The following KCND2 variants were observed in gnomAD, a reference collection of about 807,000 sequenced individuals.
KCND2 encodes the protein potassium voltage-gated channel subfamily D member 2.
KCND2 carries 16 observed loss-of-function variants against 54.4 expected under a neutral mutation model. The ratio of observed to expected loss-of-function variants is 0.29; its 90% CI spans 0.20 to 0.45. The LOEUF (loss-of-function observed/expected upper bound fraction) is 0.45, where lower values mean the gene tolerates loss of function less well. Among genes scored for constraint, KCND2 ranks in the 20% least tolerant of loss-of-function variants. KCND2 has a pLI of 1.00. For synonymous variants in KCND2, 317 were observed against 310.7 expected, an observed-to-expected ratio of 1.02 and a Z score of -0.21; for missense variants, 486 against 824.2, an observed-to-expected ratio of 0.59 and a Z score of 5.02.
At chr7:120,740,300 T>G (rs1792924672) in intron 2 of KCND2, among the ~76,000 whole-genome samples, 1 of 152,008 alleles carries the variant, frequency 6.6e-6, no homozygotes, top group African/African-American at 2.4e-5. Context: ...TGTCATATGT[T>G]TATATTTATT....
At chr7:120,644,066 C>T (rs1196128598) in intron 1 of KCND2, among the ~76,000 whole-genome samples, 3 of 151,948 alleles carry the variant, frequency 2.0e-5, no homozygotes, top group Non-Finnish European at 4.4e-5. Flanking sequence ...TAAAGCTTAG[C>T]TAAATTATAT....
chr7:120,313,326 C>A (rs764927377), intron 1 of KCND2, among the ~76,000 whole-genome samples: 42 of 151,968 alleles, frequency 2.8e-4, no homozygotes, highest in Admixed American at 3.3e-4. Flanking sequence ...TAAAATATTT[C>A]TATTGTATAT....
intron 1 of KCND2, among the ~76,000 whole-genome samples, chr7:120,597,659 G>T (rs1792762528): frequency 6.6e-6 from 1 of 152,146 alleles, no homozygotes; most frequent in Admixed American, 6.5e-5. Context: ...ATTACACCAT[G>T]ACTAACAAAG....
At chr7:120,352,783 CAG>C (rs1237325722) in intron 1 of KCND2, among the ~76,000 whole-genome samples, 4 of 151,948 alleles carry the variant, frequency 2.6e-5, no homozygotes, top group South Asian at 2.1e-4. Flanking sequence ...AAAATGCAAA[CAG>C]TAATAAAACT....
intron 1 of KCND2, among the ~76,000 whole-genome samples, chr7:120,531,636 C>G (rs1266969675): frequency 6.6e-6 from 1 of 152,086 alleles, no homozygotes; most frequent in Non-Finnish European, 1.5e-5. Context: ...GCCCACTCTC[C>G]TCTTGAAGGT....
chr7:120,633,744 C>T (rs1186166360), intron 1 of KCND2, among the ~76,000 whole-genome samples: 1 of 152,066 alleles, frequency 6.6e-6, no homozygotes, highest in African/African-American at 2.4e-5. Flanking sequence ...TCAACCATTT[C>T]GCTACTCTGA....
At chr7:120,659,793 C>A (rs1412676140) in intron 1 of KCND2, among the ~76,000 whole-genome samples, 1 of 152,166 alleles carries the variant, frequency 6.6e-6, no homozygotes, top group African/African-American at 2.4e-5. Flanking sequence ...TCCCGCAGAA[C>A]CTGCCTGTAG....
chr7:120,413,271 G>A (rs2116113259), intron 1 of KCND2, among the ~76,000 whole-genome samples: 1 of 152,040 alleles, frequency 6.6e-6, no homozygotes, highest in South Asian at 2.1e-4. Context: ...AATTAGTGAA[G>A]ACTATGGTTA....
intron 1 of KCND2, among the ~76,000 whole-genome samples, chr7:120,475,172 T>G (rs1400387745): frequency 6.6e-6 from 1 of 152,230 alleles, no homozygotes; most frequent in African/African-American, 2.4e-5. Context: ...AAGGGAGGGT[T>G]GATCATTTTC....
intron 1 of KCND2, among the ~76,000 whole-genome samples, chr7:120,460,558 C>CTTT (rs67237835): frequency 4.5e-4 from 59 of 130,252 alleles, no homozygotes; most frequent in Admixed American, 1.8e-3. Flanking sequence ...CCACCACGGC[C>CTTT]TTTTTTTTTT....
At chr7:120,473,223 T>G (rs186035897) in intron 1 of KCND2, among the ~76,000 whole-genome samples, 22 of 152,310 alleles carry the variant, frequency 1.4e-4, no homozygotes, top group African/African-American at 2.6e-4. Context: ...TGTATAACTT[T>G]CATGGATAAA....
Position 120,603,494 on chromosome 7 carries a change from G to A in KCND2, c.1116-129409G>A, listed in dbSNP as rs145487091. Among the ~76,000 whole-genome samples, 772 of 152,308 alleles carry A rather than the reference G, an allele frequency of 5.1e-3. 1 individual carries two copies. Among genetic ancestry groups the A allele is most frequent in the Middle Eastern group, 0.027 (8 of 294 alleles). On this transcript the variant is annotated intron_variant, in intron 1 of 5. Transcript: ENST00000331113. ...TACTATGCTCTGTATATGCAGTGGGGTCTGGGACTGGTGCCCAGCACTGAG... is the reference window on the plus strand; with the variant it reads ...TACTATGCTCTGTATATGCAGTGGGATCTGGGACTGGTGCCCAGCACTGAG...
chr7:120,514,125 CTAA>C (rs1275435799), intron 1 of KCND2, among the ~76,000 whole-genome samples: 1 of 151,992 alleles, frequency 6.6e-6, no homozygotes, highest in African/African-American at 2.4e-5. Context: ...CTATCACCTA[CTAA>C]TGCTTACAAG....
intron 1 of KCND2, among the ~76,000 whole-genome samples, chr7:120,719,233 A>G (rs1792639407): frequency 6.6e-6 from 1 of 152,194 alleles, no homozygotes; most frequent in Non-Finnish European, 1.5e-5. Flanking sequence ...ATTTGTATTT[A>G]TAAAACCACT....
At chr7:120,397,092 C>A (rs573354970) in intron 1 of KCND2, among the ~76,000 whole-genome samples, 5 of 152,126 alleles carry the variant, frequency 3.3e-5, no homozygotes, top group African/African-American at 1.2e-4. Context: ...TATGAACAGA[C>A]ACCTGCACTG....
intron 1 of KCND2, among the ~76,000 whole-genome samples, chr7:120,296,030 T>A (rs1246091283): frequency 1.3e-5 from 2 of 152,124 alleles, no homozygotes; most frequent in African/African-American, 4.8e-5. Context: ...CACTGAATAC[T>A]CAAGTATAAT....
chr7:120,483,297 A>G (rs927325885), intron 1 of KCND2, among the ~76,000 whole-genome samples: 1 of 152,158 alleles, frequency 6.6e-6, no homozygotes, highest in African/African-American at 2.4e-5. Context: ...AAAGGGAAAC[A>G]TGGTGATTTA....
Position 120,451,114 on chromosome 7 carries a change from G to A in KCND2, c.1115+175367G>A, listed in dbSNP as rs532445892. Among the ~76,000 whole-genome samples the A allele has an allele frequency of 3.9e-5, 6 of 152,240 alleles. No individual in the cohort carries two copies. The East Asian group carries it at 9.7e-4, about 25-fold the overall frequency. On this transcript the variant is annotated intron_variant, in intron 1 of 5. Coordinates refer to ENST00000331113, the MANE Select transcript of KCND2 (RefSeq NM_012281.3). ...ACCCACAGTGGTCCATTTGGTATTT[G>A]AAGTAGGATCCCTGGATCCCTGAGT...
chr7:120,489,738 T>C (rs1348591846), intron 1 of KCND2, among the ~76,000 whole-genome samples: 1 of 152,162 alleles, frequency 6.6e-6, no homozygotes, highest in Non-Finnish European at 1.5e-5. Flanking sequence ...AACACTTGAC[T>C]TCATGCCCCA....
Sources: allele counts gnomAD v4.1 joint callset (sites outside exome capture counted in the v4.1 genomes callset), GRCh38; gene constraint gnomAD v4.1.1; transcripts MANE v1.5; gene names NCBI Gene and HGNC (gene_info 2026-07-23, HGNC 2026-07-21).